Variants in NPFFR1 observed in about 807,000 individuals in gnomAD.
NPFFR1 encodes G-protein coupled receptor 147.
In NPFFR1, 17 loss-of-function variants were observed where a neutral mutation model predicts 12.7. That is an observed-to-expected ratio of 1.34 (90% CI 0.92 to 2.01). NPFFR1 has a LOEUF of 2.01. Ranked by LOEUF, NPFFR1 falls within the 30% of genes most tolerant of loss-of-function variation. The probability of loss-of-function intolerance (pLI) is 0.00; values close to 1 mark genes in which losing one functional copy is unlikely to be tolerated. For synonymous variants in NPFFR1, 296 were observed against 264.5 expected, an observed-to-expected ratio of 1.12 and a Z score of -1.16; for missense variants, 604 against 606.5, an observed-to-expected ratio of 1.00 and a Z score of 0.04.
chr10:70,262,092 A>C (rs1281091300), intron 2 of NPFFR1, among the ~76,000 whole-genome samples: 2 of 152,264 alleles, frequency 1.3e-5, no homozygotes, highest in East Asian at 3.8e-4. Context: ...AGAGAAGATA[A>C]GAACTGGGTA....
In NPFFR1 at chr10:70,255,808, G is replaced by T; in HGVS notation, c.442C>A (p.Pro148Thr). The T allele has an allele frequency of 6.2e-7, 1 of 1,609,468 alleles. No individual in the cohort carries two copies. Residue 148 changes from proline to threonine, a missense_variant, in exon 4 of 4, where the codon CCT becomes ACT. Transcript: ENST00000277942. The surrounding 1 kb of genome is among the most constrained non-coding windows in gnomAD (Gnocchi z 4.2). ...CGCAGGGTCAGCTTCTCGCGGAAAG[G>T]GTGCACGATGCAGCGGAACCTGCCG... is the stretch of plus-strand genomic sequence containing the variant. ...AVERFRCIVH[P>T]FREKLTLRKA...
rs1203396492 is a variant in NPFFR1, at chr10:70,255,250, C to T, written c.1000G>A (p.Glu334Lys). The T allele has an allele frequency of 1.9e-6, 3 of 1,564,428 alleles. No individual in the cohort carries two copies. The highest frequency in any genetic ancestry group is 2.6e-6 in the Non-Finnish European group (3 of 1,160,326). ...GCCTGGAAGCCGCGGCGGAAGTTCT[C>T]GTTGAAGTAGCCGTAGATGATGGGG... ...ANPIIYGYFN[E>K]NFRRGFQAAF... The change falls in exon 4 of 4, where the codon GAG (glutamate) becomes AAG (lysine). Residue 334 changes from glutamate to lysine, a missense_variant. Transcript: ENST00000277942. The surrounding 1 kb of genome is among the most constrained non-coding windows in gnomAD (Gnocchi z 4.2).
chr10:70,253,919 G>A lies in NPFFR1; in HGVS notation c.*1038C>T, dbSNP rs1373834629. On this transcript the variant is annotated 3_prime_UTR_variant, in exon 4 of 4. Coordinates refer to ENST00000277942, the MANE Select transcript of NPFFR1 (RefSeq NM_022146.5). ...TCCTTAGAGTACACAAGTCATTTGT[G>A]CTGGGGAAGAGTTTAGTGTGTGTCC... 4 of 152,146 alleles carry A rather than the reference G, an allele frequency of 2.6e-5. No individual in the cohort carries two copies. Among genetic ancestry groups the A allele is most frequent in the Non-Finnish European group, 5.9e-5 (4 of 68,042 alleles). 9.4% of individuals were successfully genotyped at this position (152,146 alleles called of 1,614,324 possible).
Position 70,255,744 on chromosome 10 carries a change from G to A in NPFFR1, c.506C>T (p.Ala169Val), listed in dbSNP as rs777630941. 231 of 1,611,240 alleles carry A rather than the reference G, an allele frequency of 1.4e-4. No homozygotes were observed. The highest frequency in any genetic ancestry group is 1.9e-4 in the Non-Finnish European group (227 of 1,178,922). Residue 169 changes from alanine (A) to valine (V), a missense_variant, in exon 4 of 4, where the codon GCG becomes GTG. Physicochemically the swap from Ala to Val is moderately conservative, Grantham distance 64. Coordinates refer to ENST00000277942, the MANE Select transcript of NPFFR1 (RefSeq NM_022146.5). The surrounding 1 kb of genome is among the most constrained non-coding windows in gnomAD (Gnocchi z 4.2). ...GGCCGAGGGACACATGATGAGCAGCGCCAGGGCCCAGATGACGGCGATGGT... is the reference window on the plus strand; with the variant it reads ...GGCCGAGGGACACATGATGAGCAGCACCAGGGCCCAGATGACGGCGATGGT... The part of the protein sequence containing the change: ...LVTIAVIWAL[A>V]LLIMCPSAVT...
At chr10:70,262,135 T>A (rs973549524) in intron 2 of NPFFR1, among the ~76,000 whole-genome samples, 4 of 152,232 alleles carry the variant, frequency 2.6e-5, no homozygotes, top group African/African-American at 7.2e-5. Context: ...GGTGAGATAA[T>A]GAGAGTGATG....
At chr10:70,264,366 C>CAAAAA (rs56178146) in intron 2 of NPFFR1, among the ~76,000 whole-genome samples, 183 of 74,572 alleles carry the variant, frequency 2.5e-3, no homozygotes, top group Non-Finnish European at 2.7e-3. Flanking sequence ...AGTGAGACTC[C>CAAAAA]AAAAAAAAAA....
intron 1 of NPFFR1, among the ~76,000 whole-genome samples, chr10:70,266,642 C>T (rs55725637): frequency 0.011 from 1,658 of 152,324 alleles, 29 homozygotes; most frequent in African/African-American, 0.037. Context: ...TCTTTATTAA[C>T]TCCCCCATCC....
In NPFFR1 at chr10:70,283,766, A is replaced by G; in HGVS notation, c.-90T>C. On this transcript the variant is annotated 5_prime_UTR_variant, in exon 1 of 4. Coordinates refer to ENST00000277942, the MANE Select transcript of NPFFR1 (RefSeq NM_022146.5). The stretch of plus-strand genomic sequence containing the variant: ...GCGGGCAGAGGGACGGTCTCCGGGC[A>G]CTTGGTTGCGGGCTGCGCCCCTGCC... The G allele has an allele frequency of 6.9e-7, 1 of 1,444,562 alleles. No individual in the cohort carries two copies. Among genetic ancestry groups the G allele is most frequent in the Non-Finnish European group, 9.4e-7 (1 of 1,066,580 alleles). 89.5% of individuals were successfully genotyped at this position (1,444,562 alleles called of 1,614,324 possible).
At chr10:70,274,735 A>C (rs1389605967) in intron 1 of NPFFR1, among the ~76,000 whole-genome samples, 1 of 152,220 alleles carries the variant, frequency 6.6e-6, no homozygotes, top group Non-Finnish European at 1.5e-5. Flanking sequence ...TTGTTAATAC[A>C]TTCAGAGAGA....
intron 3 of NPFFR1, among the ~76,000 whole-genome samples, chr10:70,259,320 A>G (rs952073217): frequency 7.2e-5 from 11 of 151,824 alleles, no homozygotes; most frequent in Non-Finnish European, 1.5e-4. Context: ...AGAAAGAAAA[A>G]GAAATCTCCA....
chr10:70,259,097 G>A (rs4320878), intron 3 of NPFFR1, among the ~76,000 whole-genome samples: 10,461 of 152,076 alleles, frequency 0.069, 359 homozygotes, highest in East Asian at 0.11. Flanking sequence ...GACCAGCCTG[G>A]CCAACATGGT....
intron 2 of NPFFR1, among the ~76,000 whole-genome samples, chr10:70,261,576 C>A (rs1247528771): frequency 6.6e-6 from 1 of 152,302 alleles, no homozygotes; most frequent in Middle Eastern, 3.4e-3. Flanking sequence ...CCAGTGATTT[C>A]TTTCCATGAG....
In NPFFR1 at chr10:70,255,297, G is replaced by A. The variant is rs1270472346; in HGVS notation, c.953C>T (p.Ala318Val). 1.9e-6 allele frequency: 3 copies of A among 1,581,932 alleles called. No individual in the cohort carries two copies. Among genetic ancestry groups the A allele is most frequent in the Admixed American group, 3.6e-5 (2 of 55,952 alleles). ...VYAFPFAHWL[A>V]FFNSSANPII... Reference sequence around the variant, plus strand: ...GGGGTTGGCGCTGCTGTTGAAGAAGGCCAGCCAGTGCGCGAAGGGGAAGGC... The same window carrying A: ...GGGGTTGGCGCTGCTGTTGAAGAAGACCAGCCAGTGCGCGAAGGGGAAGGC... Residue 318 changes from alanine (A) to valine (V), a missense_variant, in exon 4 of 4, where the codon GCC (alanine) becomes GTC (valine). Ala to Val is a moderately conservative substitution (Grantham distance 64, BLOSUM62 0). Coordinates refer to ENST00000277942, the MANE Select transcript of NPFFR1 (RefSeq NM_022146.5). This position sits in a 1 kb window ranked among gnomAD's most constrained non-coding sequence, Gnocchi z 4.2.
intron 2 of NPFFR1, among the ~76,000 whole-genome samples, chr10:70,264,485 C>T (rs1031805940): frequency 1.3e-5 from 2 of 151,376 alleles, no homozygotes; most frequent in Admixed American, 6.6e-5. Context: ...AATTGTAGTA[C>T]ATCCATACAA....
intron 1 of NPFFR1, chr10:70,277,857 T>C (rs185061948): frequency 2.1e-6 from 1 of 479,954 alleles, no homozygotes; most frequent in Non-Finnish European, 4.2e-6. Context: ...GGAAGGCAAA[T>C]GAGGGTTACT....
intron 3 of NPFFR1, among the ~76,000 whole-genome samples, chr10:70,256,775 C>A (rs1207361493): frequency 6.6e-6 from 1 of 152,150 alleles, no homozygotes; most frequent in Non-Finnish European, 1.5e-5. Flanking sequence ...GTTGCAAGGA[C>A]CAGTCTTGAA....
intron 1 of NPFFR1, among the ~76,000 whole-genome samples, chr10:70,266,660 G>C (rs1180958046): frequency 6.6e-6 from 1 of 152,096 alleles, no homozygotes; most frequent in Non-Finnish European, 1.5e-5. Context: ...TCCCATTTAG[G>C]TTCCAACTTT....
At chr10:70,282,285 G>C (rs771439521) in intron 1 of NPFFR1, among the ~76,000 whole-genome samples, 1 of 152,020 alleles carries the variant, frequency 6.6e-6, no homozygotes, top group South Asian at 2.1e-4. Flanking sequence ...GCCTGCCCTC[G>C]AGCCTAAGCC....
At chr10:70,279,732 A>G (rs1205121944) in intron 1 of NPFFR1, among the ~76,000 whole-genome samples, 1 of 152,198 alleles carries the variant, frequency 6.6e-6, no homozygotes, top group Non-Finnish European at 1.5e-5. Context: ...AAGTGCTCTG[A>G]TTACAGGCAT....
Sources: gnomAD v4.1 joint callset for allele counts (sites outside exome capture counted in the v4.1 genomes callset) on GRCh38, gnomAD v4.1.1 for gene constraint, Gnocchi (gnomAD v3.1) non-coding constraint, MANE v1.5 for transcripts, NCBI Gene and HGNC (gene_info 2026-07-23, HGNC 2026-07-21) for gene names.